RXRA: variants seen among roughly 807,000 people sequenced by gnomAD.
The protein encoded by RXRA is retinoid X receptor alpha, also known as retinoic acid receptor RXR-alpha.
RXRA carries 5 observed loss-of-function variants against 44.5 expected under a neutral mutation model. The ratio of observed to expected loss-of-function variants is 0.11; its 90% CI spans 0.06 to 0.24. The LOEUF (loss-of-function observed/expected upper bound fraction) is 0.24. RXRA is among the 10% of genes least tolerant of loss of function. The probability of loss-of-function intolerance (pLI) is 1.00; values close to 1 mark genes in which losing one functional copy is unlikely to be tolerated. For synonymous variants in RXRA, 291 were observed against 271.4 expected (o/e 1.07, Z -0.71); for missense variants, 412 against 646.5 (o/e 0.64, Z 3.93).
At chr9:134,396,366 C>T (rs1830879064) in intron 1 of RXRA, among the ~76,000 whole-genome samples, 1 of 152,136 alleles carries the variant, frequency 6.6e-6, no homozygotes, top group African/African-American at 2.4e-5. Context: ...CCTGCCACGT[C>T]CTCATCCCTG....
rs1446262033 is a variant in RXRA, at chr9:134,401,858, G to T, written c.255G>T (p.Leu85=). The T allele has an allele frequency of 6.2e-7, 1 of 1,610,866 alleles. No homozygotes were observed. The highest frequency in any genetic ancestry group is 2.2e-5 in the East Asian group (1 of 44,780). The change falls in exon 2 of 10, where the codon CTG becomes CTT. Residue 85 remains leucine, a synonymous_variant. Transcript: ENST00000481739. ...TGTCGGTGCCCACCACACCCACCCT[G>T]GGCTTCAGCACTGGCAGCCCCCAGG... The part of the protein sequence containing the change: ...HSMSVPTTPT[L]GFSTGSPQLS...
In RXRA at chr9:134,406,859, C is replaced by A. The variant is rs34458528; in HGVS notation, c.280-1290C>A. Among the ~76,000 whole-genome samples the A allele has an allele frequency of 6.8e-4, 104 of 152,366 alleles. 1 individual carries two copies. The highest frequency in any genetic ancestry group is 2.4e-3 in the African/African-American group (100 of 41,580). On this transcript the variant is annotated intron_variant, in intron 2 of 9. Coordinates refer to ENST00000481739, the MANE Select transcript of RXRA (RefSeq NM_002957.6). ...CCCAGGCACCGCACCCCTCTGCAGA[C>A]GTCTGGGGCTTTCTCTTGCCCCTTC...
At chr9:134,362,567 G>A (rs184225929) in intron 1 of RXRA, among the ~76,000 whole-genome samples, 1 of 152,366 alleles carries the variant, frequency 6.6e-6, no homozygotes, top group East Asian at 1.9e-4. Context: ...GCCTTCATGG[G>A]TTTCATGGAG....
At chr9:134,422,569 G>A (rs1215393633) in intron 6 of RXRA, 9 of 1,143,326 alleles carry the variant, frequency 7.9e-6, no homozygotes, top group African/African-American at 3.9e-5. Flanking sequence ...CCCCACTCCC[G>A]GGACACTCCC....
chr9:134,416,731 T>A (rs1831241688), intron 4 of RXRA, among the ~76,000 whole-genome samples: 1 of 152,054 alleles, frequency 6.6e-6, no homozygotes. Flanking sequence ...TGCTCTGCTC[T>A]GCTTCTGGGC....
At chr9:134,363,858 T>C (rs1830382941) in intron 1 of RXRA, among the ~76,000 whole-genome samples, 2 of 152,072 alleles carry the variant, frequency 1.3e-5, no homozygotes, top group East Asian at 3.9e-4. Flanking sequence ...CGACCTCAGC[T>C]CCAGACATGT....
rs377328999 is a variant in RXRA, at chr9:134,421,815, G to A, written c.910+10G>A. ...ATCCTGCTGCGGGCAGGTGAGTGGC[G>A]AGGCCTAGGTGGGGATGGGGATGCC... On this transcript the variant is annotated intron_variant, in intron 6 of 9. Transcript: ENST00000481739. The A allele has an allele frequency of 8.1e-5, 131 of 1,612,406 alleles. No homozygotes were observed. The highest frequency in any genetic ancestry group is 1.1e-4 in the Non-Finnish European group (124 of 1,179,442).
chr9:134,376,794 G>A lies in RXRA; in HGVS notation c.29-24838G>A, dbSNP rs560171296. Among the ~76,000 whole-genome samples the A allele has an allele frequency of 1.2e-3, 185 of 152,352 alleles. 2 individuals are homozygous for A. The highest frequency in any genetic ancestry group is 4.3e-3 in the African/African-American group (179 of 41,588). The stretch of plus-strand genomic sequence containing the variant: ...TCCTTGCAGCTGAGACCAGCCAGGG[G>A]CGCAGCCCTAGGGATCTGGCTGGGC... On this transcript the variant is annotated intron_variant, in intron 1 of 9. Transcript: ENST00000481739.
chr9:134,403,458 G>A (rs875444), intron 2 of RXRA: 71,054 of 152,234 alleles, frequency 0.47, 19,346 homozygotes, highest in Non-Finnish European at 0.6. Flanking sequence ...GCGAGAGGGC[G>A]ATGAAGACTC....
rs139774164 is a variant in RXRA, at chr9:134,342,200, C to T, written c.28+15541C>T. Among the ~76,000 whole-genome samples the T allele has an allele frequency of 1.3e-5, 2 of 152,190 alleles. No individual in the cohort carries two copies. Among genetic ancestry groups the T allele is most frequent in the Non-Finnish European group, 2.9e-5 (2 of 67,992 alleles). On this transcript the variant is annotated intron_variant, in intron 1 of 9. Coordinates refer to ENST00000481739, the MANE Select transcript of RXRA (RefSeq NM_002957.6). This position sits in a 1 kb window ranked among gnomAD's most constrained non-coding sequence, Gnocchi z 4.4. ...AGATCAGGCTGGAGAAAGCCCTGGA[C>T]CCACTGTGGATCCCAGGCCAGAGTG...
At chr9:134,369,881 C>A (rs1200166319) in intron 1 of RXRA, among the ~76,000 whole-genome samples, 1 of 152,078 alleles carries the variant, frequency 6.6e-6, no homozygotes, top group African/African-American at 2.4e-5. Context: ...TTTACACAGT[C>A]CCGTGTGTGC....
chr9:134,415,333 C>T (rs992513384), intron 4 of RXRA, among the ~76,000 whole-genome samples: 16 of 152,248 alleles, frequency 1.1e-4, no homozygotes, highest in African/African-American at 2.6e-4. Context: ...TGCAGAGCCC[C>T]GAGACGGCTG....
intron 9 of RXRA, among the ~76,000 whole-genome samples, chr9:134,434,724 A>G (rs1442591682): frequency 6.6e-6 from 1 of 152,242 alleles, no homozygotes; most frequent in Non-Finnish European, 1.5e-5. Context: ...CTGAGTCCAC[A>G]GTGCTGGGTG....
In RXRA at chr9:134,417,323, G is replaced by A. The variant is rs1409447634; in HGVS notation, c.776G>A (p.Ser259Asn). 2.5e-6 allele frequency: 4 copies of A among 1,613,212 alleles called. No individual in the cohort carries two copies. The South Asian group carries it at 3.3e-5, about 13-fold the overall frequency. ...GAGGCAAACATGGGGCTGAACCCCA[G>A]CTCGGTGAGTTGCAGCCTGTGCAGG... ...YVEANMGLNP[S>N]SPNDPVTNIC... The change falls in exon 5 of 10, where the codon AGC becomes AAC. Residue 259 changes from serine (S) to asparagine (N), a missense_variant. Coordinates refer to ENST00000481739, the MANE Select transcript of RXRA (RefSeq NM_002957.6). The surrounding 1 kb of genome is among the most constrained non-coding windows in gnomAD (Gnocchi z 6.1).
intron 1 of RXRA, among the ~76,000 whole-genome samples, chr9:134,388,689 G>A (rs969498516): frequency 6.6e-6 from 1 of 152,212 alleles, no homozygotes; most frequent in Non-Finnish European, 1.5e-5. Context: ...CCGCCATTCT[G>A]GGCGCATCGG....
chr9:134,413,185 C>T (rs1381834419), intron 4 of RXRA, among the ~76,000 whole-genome samples: 1 of 152,146 alleles, frequency 6.6e-6, no homozygotes, highest in Admixed American at 6.5e-5. Flanking sequence ...CAGGAAGACC[C>T]CTGCGAGCTT....
At chr9:134,328,258 C>G (rs1564255529) in intron 1 of RXRA, among the ~76,000 whole-genome samples, 1 of 152,240 alleles carries the variant, frequency 6.6e-6, no homozygotes, top group South Asian at 2.1e-4. Flanking sequence ...TGGCAGGGGC[C>G]TGGCTGGTTG....
chr9:134,402,143 A>G, intron 2 of RXRA: 1 of 522,272 alleles, frequency 1.9e-6, no homozygotes, highest in East Asian at 3.3e-5. Flanking sequence ...GCCCCTTCCC[A>G]TGCCGGAGGG....
In RXRA at chr9:134,411,192, A is replaced by G. The variant is rs559228380; in HGVS notation, c.610+2073A>G. On this transcript the variant is annotated intron_variant, in intron 4 of 9. Coordinates refer to ENST00000481739, the MANE Select transcript of RXRA (RefSeq NM_002957.6). ...CCCCGTCCCGGACCCTCCAGGCTGC[A>G]CTGACTCCTTCCTAAGGCCCTGCAG... 7.2e-5 allele frequency among the ~76,000 whole-genome samples: 11 copies of G among 152,276 alleles called. No homozygotes were observed. The South Asian group carries it at 2.3e-3, about 32-fold the overall frequency.
Sources: gnomAD v4.1 joint callset for allele counts (sites outside exome capture counted in the v4.1 genomes callset) on GRCh38, gnomAD v4.1.1 for gene constraint, Gnocchi (gnomAD v3.1) non-coding constraint, MANE v1.5 for transcripts, NCBI Gene and HGNC (gene_info 2026-07-23, HGNC 2026-07-21) for gene names.